The following ABCC9 variants were observed in gnomAD, a reference collection of about 807,000 sequenced individuals.
The protein encoded by ABCC9 is ATP-binding cassette sub-family C member 9.
In ABCC9, 95 loss-of-function variants were observed where a neutral mutation model predicts 188.3. The observed-to-expected ratio is 0.50, with a 90% CI of 0.43 to 0.60. The LOEUF (loss-of-function observed/expected upper bound fraction) is 0.60, where lower values mean the gene tolerates loss of function less well. Ranked by LOEUF, ABCC9 falls within the 20% of genes least tolerant of loss-of-function variation. The pLI, the probability that ABCC9 is intolerant of heterozygous loss-of-function variation, is 0.00. For missense variants in ABCC9, 1,102 were observed against 1,876.3 expected, an observed-to-expected ratio of 0.59 and a Z score of 7.62; for synonymous variants, 659 against 652.7, an observed-to-expected ratio of 1.01 and a Z score of -0.15.
chr12:21,801,933 TAGTA>T (rs1941461131), intron 39 of ABCC9, among the ~76,000 whole-genome samples: 1 of 152,162 alleles, frequency 6.6e-6, no homozygotes, highest in Non-Finnish European at 1.5e-5. Context: ...GTCACATAGA[TAGTA>T]AGTAGCAGAA....
chr12:21,896,916 A>T (rs1349157610), intron 12 of ABCC9, among the ~76,000 whole-genome samples: 1 of 152,210 alleles, frequency 6.6e-6, no homozygotes, highest in Non-Finnish European at 1.5e-5. Context: ...AATGATTTAC[A>T]TTCCTTTGGG....
At chr12:21,889,423 A>G (rs1947037990) in intron 14 of ABCC9, among the ~76,000 whole-genome samples, 1 of 152,212 alleles carries the variant, frequency 6.6e-6, no homozygotes, top group African/African-American at 2.4e-5. Context: ...TATGTTTTGA[A>G]AAGATTTGAT....
intron 11 of ABCC9, among the ~76,000 whole-genome samples, chr12:21,907,813 A>T (rs1184616152): frequency 2.0e-5 from 3 of 152,044 alleles, no homozygotes; most frequent in African/African-American, 7.2e-5. Context: ...AGAAGACTGA[A>T]AGCCTTATCA....
At chr12:21,936,487 A>C in intron 3 of ABCC9, 46 bp downstream of exon 3, 1 of 1,521,050 alleles carries the variant, frequency 6.6e-7, no homozygotes, top group Non-Finnish European at 9.1e-7. Flanking sequence ...CATTAGCGAG[A>C]TATATAAACA....
At chr12:21,844,096 T>C (rs1295607260) in intron 28 of ABCC9, among the ~76,000 whole-genome samples, 1 of 152,218 alleles carries the variant, frequency 6.6e-6, no homozygotes, top group Admixed American at 6.6e-5. Context: ...TAAAGGACTT[T>C]AAGACAGCTT....
At chr12:21,894,317 A>G (rs1947302307) in intron 13 of ABCC9, 143 bp from the exon 14 acceptor site, 8 of 957,378 alleles carry the variant, frequency 8.4e-6, no homozygotes, top group Admixed American at 2.0e-5. Flanking sequence ...AAAACTCCCT[A>G]ATTAAAACAA....
intron 17 of ABCC9, among the ~76,000 whole-genome samples, chr12:21,874,349 G>A (rs1946235040): frequency 6.6e-6 from 1 of 152,036 alleles, no homozygotes; most frequent in Admixed American, 6.6e-5. Context: ...AAAAAAACAT[G>A]AAAGATAAAA....
intron 35 of ABCC9, 63 bp downstream of exon 35, chr12:21,814,581 A>T: frequency 3.7e-6 from 5 of 1,352,022 alleles, no homozygotes; most frequent in Non-Finnish European, 5.3e-6. Context: ...GGATTAGGTA[A>T]ATTGATGTTT....
intron 22 of ABCC9, among the ~76,000 whole-genome samples, chr12:21,852,739 A>G (rs1413310318): frequency 6.6e-6 from 1 of 152,140 alleles, no homozygotes; most frequent in Non-Finnish European, 1.5e-5. Flanking sequence ...AAGCCTGCAC[A>G]TGTACCTCTT....
chr12:21,800,838 G>A lies in ABCC9; in HGVS notation c.*206C>T, dbSNP rs1382194713. On this transcript the variant is annotated 3_prime_UTR_variant, in exon 40 of 40. Coordinates refer to ENST00000261200, the MANE Select transcript of ABCC9 (RefSeq NM_020297.4). The stretch of plus-strand genomic sequence containing the variant: ...GCTATTCTTAAAGCTAGAGTGGCTG[G>A]ATCACTATAAAAACATCAATAATGA... 1.7e-6 allele frequency: 1 copy of A among 586,402 alleles called. No individual in the cohort carries two copies. The highest frequency in any genetic ancestry group is 3.0e-6 in the Non-Finnish European group (1 of 336,924). The allele number at this position is 586,402 out of a possible 1,614,324, so 36.3% of individuals were successfully genotyped here.
At chr12:21,892,904 C>T (rs1947235183) in intron 14 of ABCC9, among the ~76,000 whole-genome samples, 1 of 152,114 alleles carries the variant, frequency 6.6e-6, no homozygotes, top group Admixed American at 6.5e-5. Flanking sequence ...ATGTTTCCGT[C>T]AATTGCAACA....
At position 21,882,798 on chromosome 12, in the gene ABCC9, G is replaced by A. The variant is rs200349671; in HGVS notation, c.1987C>T (p.Arg663Cys). ...GCAATGTCCTCTGTTTCTGCGGGAC[G>A]TAGACGCCGTGTTGATTGCTCATAG... Reference protein sequence around the residue: ...DSYEQSTRRLRPAETEDIAIK... With the variant: ...DSYEQSTRRLCPAETEDIAIK... The change falls in exon 16 of 40, where the codon CGT (arginine) becomes TGT (cysteine). Residue 663 changes from arginine (R) to cysteine (C), a missense_variant. Physicochemically the swap from Arg to Cys is radical, Grantham distance 180. This residue lies in a region of ABCC9 where 258 missense variants were observed against 325.6 expected (regional missense o/e 0.79). Transcript: ENST00000261200. 8.1e-5 allele frequency: 130 copies of A among 1,613,686 alleles called. No homozygotes were observed. The highest frequency in any genetic ancestry group is 1.8e-4 in the Admixed American group (11 of 59,992).
chr12:21,828,715 T>C (rs1291575717), intron 31 of ABCC9, among the ~76,000 whole-genome samples: 3 of 152,318 alleles, frequency 2.0e-5, no homozygotes, highest in South Asian at 2.1e-4. Context: ...TTAACTTATG[T>C]GATCTAGAAA....
intron 11 of ABCC9, 69 bp downstream of exon 11, chr12:21,908,008 T>C: frequency 3.3e-6 from 5 of 1,502,848 alleles, no homozygotes; most frequent in Non-Finnish European, 4.6e-6. Context: ...ATGTATTAAT[T>C]TCCTATATTA....
intron 25 of ABCC9, among the ~76,000 whole-genome samples, chr12:21,846,694 C>T (rs906343113): frequency 2.6e-4 from 39 of 152,142 alleles, no homozygotes; most frequent in Non-Finnish European, 4.9e-4. Context: ...AGGTTCTCCC[C>T]TTTGGCAGGG....
chr12:21,896,142 T>C (rs1464685017), intron 12 of ABCC9, among the ~76,000 whole-genome samples: 2 of 148,508 alleles, frequency 1.3e-5, no homozygotes, highest in Non-Finnish European at 3.0e-5. Context: ...TTAGGGTACA[T>C]GTGCACATTG....
intron 5 of ABCC9, among the ~76,000 whole-genome samples, chr12:21,921,999 T>G (rs1350618711): frequency 6.6e-6 from 1 of 152,034 alleles, no homozygotes; most frequent in Non-Finnish European, 1.5e-5. Flanking sequence ...TCAGGTAATG[T>G]GATTCCTCTG....
chr12:21,815,282 C>T (rs941046116), intron 34 of ABCC9, among the ~76,000 whole-genome samples: 24 of 145,296 alleles, frequency 1.7e-4, no homozygotes, highest in Admixed American at 6.1e-4. Context: ...GTTTTTTCTT[C>T]ATGGTTTTTT....
At chr12:21,816,139 T>G (rs1942634459) in intron 33 of ABCC9, among the ~76,000 whole-genome samples, 1 of 150,376 alleles carries the variant, frequency 6.6e-6, no homozygotes, top group South Asian at 2.1e-4. Context: ...ACAGTTTTTT[T>G]CGTGTTTGTT....
Sources: allele counts gnomAD v4.1 joint callset (sites outside exome capture counted in the v4.1 genomes callset), GRCh38; gene constraint gnomAD v4.1.1; regional missense constraint gnomAD v4.1.1; transcripts MANE v1.5; gene names NCBI Gene and HGNC (gene_info 2026-07-23, HGNC 2026-07-21).